Variants in KAT6A observed in about 807,000 individuals in gnomAD.
KAT6A encodes histone acetyltransferase KAT6A.
Under a neutral mutation model 198.4 loss-of-function variants are expected in KAT6A, and 9 were observed. The ratio of observed to expected loss-of-function variants is 0.05; its 90% CI spans 0.03 to 0.08. KAT6A has a LOEUF of 0.08. KAT6A is among the 10% of genes least tolerant of loss of function. The pLI, the probability that KAT6A is intolerant of heterozygous loss-of-function variation, is 1.00. For synonymous variants in KAT6A, 890 were observed against 883.0 expected (o/e 1.01, Z -0.14); for missense variants, 2,077 against 2,509.9 (o/e 0.83, Z 3.69).
intron 8 of KAT6A, among the ~76,000 whole-genome samples, chr8:41,955,847 T>C (rs1024796172): frequency 2.6e-5 from 4 of 152,210 alleles, no homozygotes; most frequent in Non-Finnish European, 5.9e-5. Context: ...CTACTGAATA[T>C]GTAAGCACAC....
Position 41,955,360 on chromosome 8 carries a change from T to A in KAT6A, c.1534A>T (p.Ile512Phe). The change falls in exon 9 of 17, where the codon ATT (isoleucine) becomes TTT (phenylalanine). Residue 512 changes from isoleucine (I) to phenylalanine (F), a missense_variant. Physicochemically the swap from Ile to Phe is conservative, Grantham distance 21. This residue lies in a region of KAT6A where 206 missense variants were observed against 214.9 expected (regional missense o/e 0.96). Coordinates refer to ENST00000265713, the MANE Select transcript of KAT6A (RefSeq NM_006766.5). The stretch of plus-strand genomic sequence containing the variant: ...TGAATTTCATACTTCCCAAACTCAA[T>A]GACAGAGGGACAGCGGACTTGTGGA... ...PDPQVRCPSV[I>F]EFGKYEIHTW... 1 of 1,613,422 alleles carries A rather than the reference T, an allele frequency of 6.2e-7. No homozygotes were observed. The highest frequency in any genetic ancestry group is 8.5e-7 in the Non-Finnish European group (1 of 1,179,648).
At chr8:42,038,283 C>T (rs1252114741) in intron 2 of KAT6A, among the ~76,000 whole-genome samples, 1 of 152,146 alleles carries the variant, frequency 6.6e-6, no homozygotes, top group African/African-American at 2.4e-5. Context: ...ATTTAGCCAA[C>T]AACATAAGAA....
At chr8:42,042,375 T>C (rs1827710056) in intron 2 of KAT6A, among the ~76,000 whole-genome samples, 1 of 151,744 alleles carries the variant, frequency 6.6e-6, no homozygotes, top group African/African-American at 2.4e-5. Context: ...GGAGAATCGC[T>C]TGAACCCAGG....
At chr8:42,036,467 G>A (rs899539102) in intron 2 of KAT6A, among the ~76,000 whole-genome samples, 1 of 152,118 alleles carries the variant, frequency 6.6e-6, no homozygotes, top group Non-Finnish European at 1.5e-5. Flanking sequence ...ACAAAAATTA[G>A]CCAGGGGTGG....
In KAT6A at chr8:41,937,251, C is replaced by T. The variant is rs1166181891; in HGVS notation, c.3352+5G>A. Reference sequence around the variant, plus strand: ...ACCACAGTAAGTGAGTTCTGTAAAACATACCATCAGCATCATCTGACTCTT... The same window carrying T: ...ACCACAGTAAGTGAGTTCTGTAAAATATACCATCAGCATCATCTGACTCTT... On this transcript the variant is annotated splice_donor_5th_base_variant and intron_variant, in intron 16 of 16. Coordinates refer to ENST00000265713, the MANE Select transcript of KAT6A (RefSeq NM_006766.5). The T allele has an allele frequency of 6.2e-7, 1 of 1,608,650 alleles. No homozygotes were observed. The highest frequency in any genetic ancestry group is 8.5e-7 in the Non-Finnish European group (1 of 1,176,434).
chr8:42,006,258 G>C (rs142198905), intron 2 of KAT6A, among the ~76,000 whole-genome samples: 3 of 152,104 alleles, frequency 2.0e-5, no homozygotes, highest in African/African-American at 7.2e-5. Context: ...AGTATGTTAT[G>C]TGTGTGTGTG....
intron 2 of KAT6A, among the ~76,000 whole-genome samples, chr8:41,997,683 T>A (rs13257452): frequency 6.6e-6 from 1 of 151,914 alleles, no homozygotes; most frequent in South Asian, 2.1e-4. Flanking sequence ...CTCTCAAATC[T>A]ATCCCTCTAC....
Position 41,934,855 on chromosome 8 carries a change from A to G in KAT6A, c.3365T>C (p.Leu1122Ser). The G allele has an allele frequency of 6.2e-7, 1 of 1,608,600 alleles. No homozygotes were observed. The highest frequency in any genetic ancestry group is 8.5e-7 in the Non-Finnish European group (1 of 1,178,036). Reference sequence around the variant, plus strand: ...TTTTCGCAAAAGAGATACTGGCTTTAAGATAGGAGTGTCTATACAGGAAGG... The same window carrying G: ...TTTTCGCAAAAGAGATACTGGCTTTGAGATAGGAGTGTCTATACAGGAAGG... ...ESDDADDTPI[L>S]KPVSLLRKRD... The change falls in exon 17 of 17, where the codon TTA becomes TCA. Residue 1122 changes from leucine (L) to serine (S), a missense_variant. Coordinates refer to ENST00000265713, the MANE Select transcript of KAT6A (RefSeq NM_006766.5).
chr8:41,960,859 A>C (rs1367664107), intron 8 of KAT6A, among the ~76,000 whole-genome samples: 1 of 152,074 alleles, frequency 6.6e-6, no homozygotes, highest in African/African-American at 2.4e-5. Context: ...TTTCCCTGTA[A>C]TTCCACCCTT....
At chr8:41,981,581 T>C (rs1383654894) in intron 4 of KAT6A, among the ~76,000 whole-genome samples, 2 of 152,106 alleles carry the variant, frequency 1.3e-5, no homozygotes, top group Non-Finnish European at 2.9e-5. Context: ...TCAAAGAAAT[T>C]TGGGGAGTAT....
intron 3 of KAT6A, among the ~76,000 whole-genome samples, chr8:41,985,861 C>A (rs1824575096): frequency 6.6e-6 from 1 of 152,152 alleles, no homozygotes; most frequent in African/African-American, 2.4e-5. Flanking sequence ...CTATAAAACA[C>A]TGAAAATTAA....
chr8:42,007,987 ATT>A (rs1212819594), intron 2 of KAT6A, among the ~76,000 whole-genome samples: 42 of 124,352 alleles, frequency 3.4e-4, no homozygotes, highest in East Asian at 3.1e-3. Flanking sequence ...AAAAAAAAAA[ATT>A]TTTATTGTTA....
intron 2 of KAT6A, among the ~76,000 whole-genome samples, chr8:42,003,475 T>C (rs529068919): frequency 4.8e-4 from 73 of 151,516 alleles, no homozygotes; most frequent in African/African-American, 1.7e-3. Context: ...CCCCAGCCCA[T>C]GGGGTTGTAG....
rs1821455650 is a variant in KAT6A at position 41,930,153 on chromosome 8, C to T, written c.*2052G>A. 1 of 231,704 alleles carries T rather than the reference C, an allele frequency of 4.3e-6. No homozygotes were observed. Among genetic ancestry groups the T allele is most frequent in the African/African-American group, 2.2e-5 (1 of 45,114 alleles). 14.4% of individuals were successfully genotyped at this position (231,704 alleles called of 1,614,324 possible). On this transcript the variant is annotated 3_prime_UTR_variant, in exon 17 of 17. Transcript: ENST00000265713. The stretch of plus-strand genomic sequence containing the variant: ...ATAAAGAAACAAACAAAACCAAACA[C>T]AACCGCAAACCAACAGAAACTGATT...
intron 2 of KAT6A, among the ~76,000 whole-genome samples, chr8:42,003,061 C>A (rs1825570945): frequency 6.6e-6 from 1 of 152,180 alleles, no homozygotes; most frequent in East Asian, 1.9e-4. Context: ...CTGCACACTT[C>A]ATTTCTCCTG....
At chr8:42,038,786 A>T (rs1827497497) in intron 2 of KAT6A, among the ~76,000 whole-genome samples, 1 of 152,114 alleles carries the variant, frequency 6.6e-6, no homozygotes, top group South Asian at 2.1e-4. Flanking sequence ...TCAACCATAA[A>T]AGATACCTCA....
intron 2 of KAT6A, among the ~76,000 whole-genome samples, chr8:42,003,672 A>C (rs1002285913): frequency 6.6e-6 from 1 of 152,068 alleles, no homozygotes; most frequent in Non-Finnish European, 1.5e-5. Context: ...TTACAGGCTA[A>C]ATTTTGCTCC....
chr8:41,994,479 G>A (rs952681348), intron 2 of KAT6A, among the ~76,000 whole-genome samples: 1 of 151,850 alleles, frequency 6.6e-6, no homozygotes, highest in Non-Finnish European at 1.5e-5. Flanking sequence ...CTTTGCATTT[G>A]CTTTCCTTCT....
intron 2 of KAT6A, among the ~76,000 whole-genome samples, chr8:42,017,388 T>C (rs922755663): frequency 3.3e-5 from 5 of 152,156 alleles, no homozygotes; most frequent in Admixed American, 6.5e-5. Context: ...ACTATCATAA[T>C]ACAGGGAGAA....
Sources: gnomAD v4.1 joint callset for allele counts (sites outside exome capture counted in the v4.1 genomes callset) on GRCh38, gnomAD v4.1.1 for gene constraint, gnomAD v4.1.1 regional missense constraint, MANE v1.5 for transcripts, NCBI Gene and HGNC (gene_info 2026-07-23, HGNC 2026-07-21) for gene names.